The following MFSD6 variants were observed in gnomAD, a reference collection of about 807,000 sequenced individuals.
MFSD6 encodes major facilitator superfamily domain containing 6.
In MFSD6, 26 loss-of-function variants were observed where a neutral mutation model predicts 56.3. That is an observed-to-expected ratio of 0.46 (90% CI 0.34 to 0.64). The LOEUF is 0.64. Among genes scored for constraint, MFSD6 ranks in the 30% least tolerant of loss-of-function variants. The probability of loss-of-function intolerance (pLI) is 0.01; values close to 1 mark genes in which losing one functional copy is unlikely to be tolerated. For missense variants in MFSD6, 750 were observed against 986.2 expected, an observed-to-expected ratio of 0.76 and a Z score of 3.21; for synonymous variants, 331 against 366.9, an observed-to-expected ratio of 0.90 and a Z score of 1.12.
At chr2:190,428,736 C>G (rs1239918657) in intron 2 of MFSD6, among the ~76,000 whole-genome samples, 1 of 152,024 alleles carries the variant, frequency 6.6e-6, no homozygotes, top group African/African-American at 2.4e-5. Context: ...GGCAGTGGTG[C>G]TATCTCAGCT....
chr2:190,440,934 A>G (rs1226790635), intron 3 of MFSD6, among the ~76,000 whole-genome samples: 3 of 152,190 alleles, frequency 2.0e-5, no homozygotes, highest in Non-Finnish European at 4.4e-5. Context: ...AACAGATAGC[A>G]AGATGCTGGG....
At chr2:190,430,815 CCCGGACGGGGCGGCCGGCCGGGCGGGGG>C (rs1685951979) in intron 2 of MFSD6, among the ~76,000 whole-genome samples, 12 of 145,134 alleles carry the variant, frequency 8.3e-5, no homozygotes, top group South Asian at 2.4e-4. Context: ...CCACCTCCCT[CCCGGACGGGGCGGCCGGCCGGGCGGGGG>C]CTGACCCCCC....
chr2:190,430,332 C>T (rs1330745157), intron 2 of MFSD6, among the ~76,000 whole-genome samples: 1 of 150,686 alleles, frequency 6.6e-6, no homozygotes, highest in Non-Finnish European at 1.5e-5. Context: ...CTCTGGTTTT[C>T]CTAGGCAGAG....
At position 190,425,924 on chromosome 2, in the gene MFSD6, T is replaced by G. The variant is rs1685772060; in HGVS notation, c.-53-10053T>G. ...TGTCCATGGTTTCTCAGAAATCTGC[T>G]ATCATTTCAATTGTTTTTCTCCCAT... is the stretch of plus-strand genomic sequence containing the variant. On this transcript the variant is annotated intron_variant, in intron 2 of 7. Coordinates refer to ENST00000392328, the MANE Select transcript of MFSD6 (RefSeq NM_017694.4). This position sits in a 1 kb window ranked among gnomAD's most constrained non-coding sequence, Gnocchi z 4.3. Among the ~76,000 whole-genome samples, 1 of 152,230 alleles carries G rather than the reference T, an allele frequency of 6.6e-6. No individual in the cohort carries two copies. Among genetic ancestry groups the G allele is most frequent in the South Asian group, 2.1e-4 (1 of 4,834 alleles).
chr2:190,426,009 TTGAC>T lies in MFSD6; in HGVS notation c.-53-9964_-53-9961del, dbSNP rs1458722688. 6.6e-6 allele frequency among the ~76,000 whole-genome samples: 1 copy of T among 152,218 alleles called. No individual in the cohort carries two copies. Among genetic ancestry groups the T allele is most frequent in the African/African-American group, 2.4e-5 (1 of 41,466 alleles). On this transcript the variant is annotated intron_variant, in intron 2 of 7. Transcript: ENST00000392328. This position sits in a 1 kb window ranked among gnomAD's most constrained non-coding sequence, Gnocchi z 4.7. Reference sequence around the variant, plus strand: ...TTCCTTGCCTTTAGTTTTTAGAAGTTTGACTGATGAGTTTTGGTGTGGGCATTTT... The same window carrying T: ...TTCCTTGCCTTTAGTTTTTAGAAGTTTGATGAGTTTTGGTGTGGGCATTTT...
chr2:190,488,518 G>A lies in MFSD6; in HGVS notation c.1631-139G>A. The stretch of plus-strand genomic sequence containing the variant: ...CACTGAACCGTACATTTAAAAATGT[G>A]AAAATGGTAAATTTTTAATGTATGT... On this transcript the variant is annotated intron_variant, in intron 4 of 7. Coordinates refer to ENST00000392328, the MANE Select transcript of MFSD6 (RefSeq NM_017694.4). This position sits in a 1 kb window ranked among gnomAD's most constrained non-coding sequence, Gnocchi z 6.4. The A allele has an allele frequency of 2.5e-6, 2 of 812,210 alleles. No homozygotes were observed. Among genetic ancestry groups the A allele is most frequent in the Non-Finnish European group, 3.6e-6 (2 of 562,978 alleles). 50.3% of individuals were successfully genotyped at this position (812,210 alleles called of 1,614,324 possible).
Position 190,497,789 on chromosome 2 carries a change from T to C in MFSD6, c.2172+70T>C. On this transcript the variant is annotated intron_variant, in intron 7 of 7. Coordinates refer to ENST00000392328, the MANE Select transcript of MFSD6 (RefSeq NM_017694.4). The surrounding 1 kb of genome is among the most constrained non-coding windows in gnomAD (Gnocchi z 5.2). The stretch of plus-strand genomic sequence containing the variant: ...ATACCTTAACTGGGCTCAGTTTTAA[T>C]TACTCACTTTTCATTCAACAAGATT... 6.8e-7 allele frequency: 1 copy of C among 1,480,046 alleles called. No individual in the cohort carries two copies. The highest frequency in any genetic ancestry group is 9.2e-7 in the Non-Finnish European group (1 of 1,089,998). The allele number at this position is 1,480,046 out of a possible 1,614,324, so 91.7% of individuals were successfully genotyped here. A position where few individuals can be genotyped will look rare whatever the true frequency, so the allele number is the denominator to read the frequency against.
In MFSD6 at chr2:190,412,481, A is replaced by C; in HGVS notation, c.-175-2811A>C. On this transcript the variant is annotated intron_variant, in intron 1 of 7. Coordinates refer to ENST00000392328, the MANE Select transcript of MFSD6 (RefSeq NM_017694.4). This position sits in a 1 kb window ranked among gnomAD's most constrained non-coding sequence, Gnocchi z 4.1. ...CAAGTGCAAAGTCCTACCCTACTACAAGGCCAGTTTGGGTAAAATTTCTTC... is the reference window on the plus strand; with the variant it reads ...CAAGTGCAAAGTCCTACCCTACTACCAGGCCAGTTTGGGTAAAATTTCTTC... 1 of 985,444 alleles carries C rather than the reference A, an allele frequency of 1.0e-6. No individual in the cohort carries two copies. Among genetic ancestry groups the C allele is most frequent in the African/African-American group, 1.7e-5 (1 of 57,364 alleles). The allele number at this position is 985,444 out of a possible 1,614,324, so 61.0% of individuals were successfully genotyped here.
At position 190,426,774 on chromosome 2, in the gene MFSD6, G is replaced by A. The variant is rs1271273081; in HGVS notation, c.-53-9203G>A. On this transcript the variant is annotated intron_variant, in intron 2 of 7. Transcript: ENST00000392328. The surrounding 1 kb of genome is among the most constrained non-coding windows in gnomAD (Gnocchi z 4.7). ...GTTTGAGATCTTCCTGGTTCTTGGT[G>A]TGACGAATGATTTTTTATTGAAAGC... is the stretch of plus-strand genomic sequence containing the variant. Among the ~76,000 whole-genome samples, 1 of 152,144 alleles carries A rather than the reference G, an allele frequency of 6.6e-6. No individual in the cohort carries two copies. Among genetic ancestry groups the A allele is most frequent in the East Asian group, 1.9e-4 (1 of 5,194 alleles).
chr2:190,438,441 A>G lies in MFSD6; in HGVS notation c.1532+880A>G, dbSNP rs1686253985. On this transcript the variant is annotated intron_variant, in intron 3 of 7. Coordinates refer to ENST00000392328, the MANE Select transcript of MFSD6 (RefSeq NM_017694.4). The surrounding 1 kb of genome is among the most constrained non-coding windows in gnomAD (Gnocchi z 5.2). ...TGACGCACAAGAATCACTTGAACCC[A>G]GGAGGCAGAGGTTGCAGTGAGTCAA... Among the ~76,000 whole-genome samples, 1 of 152,196 alleles carries G rather than the reference A, an allele frequency of 6.6e-6. No homozygotes were observed. Among genetic ancestry groups the G allele is most frequent in the African/African-American group, 2.4e-5 (1 of 41,458 alleles).
At chr2:190,435,863 T>C in intron 2 of MFSD6, 114 bp from the exon 3 acceptor site, 1 of 913,128 alleles carries the variant, frequency 1.1e-6, no homozygotes, top group African/African-American at 1.7e-5. Context: ...ATGAGAATTC[T>C]CTCTTGCAAT....
At position 190,416,260 on chromosome 2, in the gene MFSD6, T is replaced by C. The variant is rs897826104; in HGVS notation, c.-54+847T>C. Among the ~76,000 whole-genome samples, 11 of 152,220 alleles carry C rather than the reference T, an allele frequency of 7.2e-5. No homozygotes were observed. The highest frequency in any genetic ancestry group is 2.4e-4 in the African/African-American group (10 of 41,452). On this transcript the variant is annotated intron_variant, in intron 2 of 7. Transcript: ENST00000392328. This position sits in a 1 kb window ranked among gnomAD's most constrained non-coding sequence, Gnocchi z 4.1. ...GTTGGTCTTTATTACTAAAGTCATC[T>C]TTATGGTTATAAGCTATTTCCTCCA... is the stretch of plus-strand genomic sequence containing the variant.
chr2:190,452,485 A>G (rs1481514405), intron 3 of MFSD6, among the ~76,000 whole-genome samples: 1 of 152,148 alleles, frequency 6.6e-6, no homozygotes, highest in Non-Finnish European at 1.5e-5. Context: ...AGAGATGAGA[A>G]TTGTAGAGTG....
rs530467035 is a variant in MFSD6, at chr2:190,459,952, G to A, written c.1533-9806G>A. 6.6e-6 allele frequency among the ~76,000 whole-genome samples: 1 copy of A among 152,310 alleles called. No individual in the cohort carries two copies. Among genetic ancestry groups the A allele is most frequent in the African/African-American group, 2.4e-5 (1 of 41,574 alleles). On this transcript the variant is annotated intron_variant, in intron 3 of 7. Coordinates refer to ENST00000392328, the MANE Select transcript of MFSD6 (RefSeq NM_017694.4). The surrounding 1 kb of genome is among the most constrained non-coding windows in gnomAD (Gnocchi z 5.3). ...TCTTATGCTCTGTTCTACAAGGATG[G>A]GTCAGTGGCCAGTCATACCTGCTGG...
rs560967958 is a variant in MFSD6 at position 190,451,307 on chromosome 2, G to C, written c.1532+13746G>C. Among the ~76,000 whole-genome samples the C allele has an allele frequency of 5.3e-4, 81 of 152,240 alleles. 1 individual carries two copies. The South Asian group carries it at 0.016, about 30-fold the overall frequency. ...TAATTATACCTAACTTCATAGCATTGTCCTTAAGATTAAATGAGATAATGC... is the reference window on the plus strand; with the variant it reads ...TAATTATACCTAACTTCATAGCATTCTCCTTAAGATTAAATGAGATAATGC... On this transcript the variant is annotated intron_variant, in intron 3 of 7. Coordinates refer to ENST00000392328, the MANE Select transcript of MFSD6 (RefSeq NM_017694.4). This position sits in a 1 kb window ranked among gnomAD's most constrained non-coding sequence, Gnocchi z 5.0.
At chr2:190,446,655 C>T (rs745738279) in intron 3 of MFSD6, among the ~76,000 whole-genome samples, 7 of 152,126 alleles carry the variant, frequency 4.6e-5, no homozygotes, top group South Asian at 2.1e-4. Context: ...ACATGGACTA[C>T]GAACTAGAAA....
At chr2:190,472,241 A>C (rs1178740268) in intron 4 of MFSD6, among the ~76,000 whole-genome samples, 1 of 152,250 alleles carries the variant, frequency 6.6e-6, no homozygotes, top group African/African-American at 2.4e-5. Flanking sequence ...CTGGACAGAG[A>C]ATGACTTTGA....
chr2:190,432,325 A>T (rs1015689742), intron 2 of MFSD6, among the ~76,000 whole-genome samples: 4 of 152,336 alleles, frequency 2.6e-5, no homozygotes, highest in Admixed American at 1.3e-4. Context: ...AGAATCCAGG[A>T]TGTGTATGTT....
chr2:190,475,592 C>A (rs1265501734), intron 4 of MFSD6, among the ~76,000 whole-genome samples: 12 of 152,144 alleles, frequency 7.9e-5, no homozygotes, highest in African/African-American at 2.9e-4. Flanking sequence ...ACATTCCATG[C>A]TCATGGATAG....
Sources: gnomAD v4.1 joint callset for allele counts (sites outside exome capture counted in the v4.1 genomes callset) on GRCh38, gnomAD v4.1.1 for gene constraint, Gnocchi (gnomAD v3.1) non-coding constraint, MANE v1.5 for transcripts, NCBI Gene and HGNC (gene_info 2026-07-23, HGNC 2026-07-21) for gene names.